FGGY: variants seen among roughly 807,000 people sequenced by gnomAD.
FGGY encodes the protein FGGY carbohydrate kinase domain containing.
FGGY carries 72 observed loss-of-function variants against 71.3 expected under a neutral mutation model. The ratio of observed to expected loss-of-function variants is 1.01; its 90% CI spans 0.84 to 1.23. The LOEUF (loss-of-function observed/expected upper bound fraction) is 1.23. Among genes scored for constraint, FGGY ranks in the 50% most tolerant of loss-of-function variants. The pLI is 0.00. For synonymous variants in FGGY, 251 were observed against 250.3 expected (o/e 1.00, Z -0.02); for missense variants, 668 against 682.3 (o/e 0.98, Z 0.23).
chr1:59,473,162 G>A (rs1210445705), intron 6 of FGGY, among the ~76,000 whole-genome samples: 1 of 152,032 alleles, frequency 6.6e-6, no homozygotes, highest in African/African-American at 2.4e-5. Flanking sequence ...CACTCTTTGG[G>A]TCCACTTTGC....
At chr1:59,693,449 GTAAGT>G (rs1364702504) in intron 14 of FGGY, among the ~76,000 whole-genome samples, 1 of 152,222 alleles carries the variant, frequency 6.6e-6, no homozygotes, top group African/African-American at 2.4e-5. Flanking sequence ...TGATGATTAA[GTAAGT>G]TAATACAGGA....
chr1:59,364,509 C>CTCAT (rs1378216546), intron 4 of FGGY, among the ~76,000 whole-genome samples: 6 of 152,224 alleles, frequency 3.9e-5, no homozygotes, highest in Non-Finnish European at 8.8e-5. Context: ...CACATGTCTG[C>CTCAT]TCATTCATTC....
intron 9 of FGGY, among the ~76,000 whole-genome samples, chr1:59,610,846 C>T (rs796519489): frequency 1.6e-4 from 25 of 152,336 alleles, no homozygotes; most frequent in African/African-American, 4.1e-4. Flanking sequence ...TCTTAGCAAA[C>T]GGCACACCAG....
intron 14 of FGGY, chr1:59,698,763 A>G (rs2154014114): frequency 2.0e-6 from 2 of 985,434 alleles, no homozygotes; most frequent in South Asian, 4.7e-5. Context: ...TTCTGCTTAA[A>G]GAGAAAGCCC....
intron 6 of FGGY, among the ~76,000 whole-genome samples, chr1:59,474,609 G>A (rs1186088520): frequency 1.3e-5 from 2 of 152,224 alleles, no homozygotes; most frequent in Admixed American, 1.3e-4. Context: ...ATGTCAAGGA[G>A]GGAACGATTT....
At chr1:59,491,534 T>C (rs2093863254) in intron 6 of FGGY, among the ~76,000 whole-genome samples, 2 of 152,158 alleles carry the variant, frequency 1.3e-5, no homozygotes, top group Non-Finnish European at 1.5e-5. Flanking sequence ...ATAAAAATGC[T>C]ACTGATTTTT....
At chr1:59,483,812 G>A (rs1446781569) in intron 6 of FGGY, among the ~76,000 whole-genome samples, 1 of 152,028 alleles carries the variant, frequency 6.6e-6, no homozygotes, top group Non-Finnish European at 1.5e-5. Flanking sequence ...AGTGAAATGA[G>A]AAGTCCTGGG....
Position 59,311,143 on chromosome 1 carries a change from C to G in FGGY, c.-14-10393C>G, listed in dbSNP as rs112459300. On this transcript the variant is annotated intron_variant, in intron 1 of 15. Transcript: ENST00000303721. ...ATTAACAGATTTGAAACTTCATTCT[C>G]TGTGTGCCCAGGACACAGGCAGCTT... Among the ~76,000 whole-genome samples the G allele has an allele frequency of 2.2e-3, 336 of 152,264 alleles. 1 individual carries two copies. The highest frequency in any genetic ancestry group is 7.8e-3 in the African/African-American group (325 of 41,556).
chr1:59,585,547 G>T (rs1353782834), intron 8 of FGGY, among the ~76,000 whole-genome samples: 2 of 152,170 alleles, frequency 1.3e-5, no homozygotes, highest in Non-Finnish European at 2.9e-5. Flanking sequence ...TTAAATGTTA[G>T]ACCTGAAACT....
At chr1:59,702,153 C>G (rs112851724) in intron 14 of FGGY, among the ~76,000 whole-genome samples, 1 of 152,078 alleles carries the variant, frequency 6.6e-6, no homozygotes, top group African/African-American at 2.4e-5. Context: ...ATGAGAACAG[C>G]ATGGTGGAAA....
intron 9 of FGGY, among the ~76,000 whole-genome samples, chr1:59,610,814 G>A (rs929930745): frequency 5.3e-5 from 8 of 152,206 alleles, no homozygotes; most frequent in Non-Finnish European, 1.2e-4. Flanking sequence ...ACTCCCACAC[G>A]GCTACTGCGC....
intron 12 of FGGY, among the ~76,000 whole-genome samples, chr1:59,662,670 A>G (rs762105836): frequency 6.6e-6 from 1 of 152,182 alleles, no homozygotes; most frequent in Non-Finnish European, 1.5e-5. Context: ...ATACACAAAT[A>G]TTTACCATTG....
intron 4 of FGGY, among the ~76,000 whole-genome samples, chr1:59,368,751 A>G (rs74085299): frequency 0.043 from 6,600 of 152,300 alleles, 174 homozygotes; most frequent in African/African-American, 0.064. Flanking sequence ...GTTGGCCAAT[A>G]TGGCATTTGA....
At chr1:59,648,933 G>A (rs1300684468) in intron 11 of FGGY, among the ~76,000 whole-genome samples, 1 of 151,712 alleles carries the variant, frequency 6.6e-6, no homozygotes, top group Non-Finnish European at 1.5e-5. Context: ...TGTATAAGGT[G>A]TAAGGAAGGG....
At chr1:59,694,622 T>A (rs1046155836) in intron 14 of FGGY, among the ~76,000 whole-genome samples, 7 of 151,940 alleles carry the variant, frequency 4.6e-5, no homozygotes, top group African/African-American at 1.7e-4. Context: ...TCTTCTTCGA[T>A]ATATTAAAAA....
intron 6 of FGGY, among the ~76,000 whole-genome samples, chr1:59,471,697 G>A (rs1339493214): frequency 6.6e-6 from 1 of 152,214 alleles, no homozygotes; most frequent in East Asian, 1.9e-4. Context: ...AGTGTCTCCT[G>A]TGTGCCAGGT....
rs111478089 is a variant in FGGY at position 59,699,551 on chromosome 1, A to C, written c.1512+25418A>C. On this transcript the variant is annotated intron_variant, in intron 14 of 15. Transcript: ENST00000303721. Reference sequence around the variant, plus strand: ...TTGGGGCTGATGGAGAAAGAAGGCAAATGGTACCCTGGGCGAGGTAGGTTT... The same window carrying C: ...TTGGGGCTGATGGAGAAAGAAGGCACATGGTACCCTGGGCGAGGTAGGTTT... Among the ~76,000 whole-genome samples, 233 of 152,288 alleles carry C rather than the reference A, an allele frequency of 1.5e-3. 1 individual carries two copies. Among genetic ancestry groups the C allele is most frequent in the African/African-American group, 5.4e-3 (224 of 41,558 alleles).
chr1:59,539,527 A>G (rs1393643930), intron 7 of FGGY, among the ~76,000 whole-genome samples: 1 of 152,166 alleles, frequency 6.6e-6, no homozygotes. Flanking sequence ...TTTCAGTGAA[A>G]TAGTACCCTG....
chr1:59,757,999 G>A lies in FGGY; in HGVS notation c.1574+7G>A. 1.9e-6 allele frequency: 3 copies of A among 1,608,110 alleles called. No homozygotes were observed. The highest frequency in any genetic ancestry group is 2.2e-5 in the East Asian group (1 of 44,800). Reference sequence around the variant, plus strand: ...CGAGACTACAGGATAAAAAGTAAGTGTGTATTTTTTATATGTACAGTGCTA... The same window carrying A: ...CGAGACTACAGGATAAAAAGTAAGTATGTATTTTTTATATGTACAGTGCTA... On this transcript the variant is annotated splice_region_variant and intron_variant, in intron 15 of 15. Transcript: ENST00000303721.
Sources: gnomAD v4.1 joint callset for allele counts (sites outside exome capture counted in the v4.1 genomes callset) on GRCh38, gnomAD v4.1.1 for gene constraint, MANE v1.5 for transcripts, NCBI Gene and HGNC (gene_info 2026-07-23, HGNC 2026-07-21) for gene names.